The following ENOX1 variants were observed in gnomAD, a reference collection of about 807,000 sequenced individuals.
ENOX1 encodes the protein candidate growth-related and time keeping constitutive hydroquinone (NADH) oxidase.
ENOX1 carries 42 observed loss-of-function variants against 82.5 expected under a neutral mutation model. The ratio of observed to expected loss-of-function variants is 0.51; its 90% CI spans 0.40 to 0.66. The LOEUF is 0.66. Among genes scored for constraint, ENOX1 ranks in the 30% least tolerant of loss-of-function variants. ENOX1 has a pLI of 0.00. For synonymous variants in ENOX1, 271 were observed against 282.2 expected (o/e 0.96, Z 0.40); for missense variants, 608 against 811.6 (o/e 0.75, Z 3.05).
intron 12 of ENOX1, among the ~76,000 whole-genome samples, chr13:43,295,180 A>G (rs1026279150): frequency 3.3e-5 from 5 of 152,264 alleles, no homozygotes; most frequent in Non-Finnish European, 5.9e-5. Context: ...TAAAATATGT[A>G]TAGTCTTTAC....
chr13:43,384,344 C>A (rs1018483042), intron 5 of ENOX1, among the ~76,000 whole-genome samples: 2 of 152,178 alleles, frequency 1.3e-5, no homozygotes, highest in Non-Finnish European at 2.9e-5. Context: ...GCAGCAAAAT[C>A]TTCTGGGAGA....
At chr13:43,343,750 G>C (rs2049202578) in intron 9 of ENOX1, among the ~76,000 whole-genome samples, 1 of 152,156 alleles carries the variant, frequency 6.6e-6, no homozygotes, top group African/African-American at 2.4e-5. Flanking sequence ...AATGGAGCAT[G>C]GCATTGTTAC....
At chr13:43,301,877 A>G (rs2046597730) in intron 11 of ENOX1, among the ~76,000 whole-genome samples, 1 of 152,170 alleles carries the variant, frequency 6.6e-6, no homozygotes, top group Non-Finnish European at 1.5e-5. Flanking sequence ...CTTGGGCCAG[A>G]GCGCTAACAG....
chr13:43,262,819 G>C (rs1294672410), intron 14 of ENOX1, among the ~76,000 whole-genome samples: 1 of 152,178 alleles, frequency 6.6e-6, no homozygotes, highest in Non-Finnish European at 1.5e-5. Context: ...ATTAATACTT[G>C]TTGAGTATGT....
chr13:43,627,978 CCTT>C (rs2083039236), intron 2 of ENOX1, among the ~76,000 whole-genome samples: 4 of 152,058 alleles, frequency 2.6e-5, no homozygotes, highest in Admixed American at 2.6e-4. Context: ...AACACGCTGT[CCTT>C]CTAATTGATT....
chr13:43,611,885 C>T (rs970042339), intron 2 of ENOX1, among the ~76,000 whole-genome samples: 4 of 152,186 alleles, frequency 2.6e-5, no homozygotes, highest in African/African-American at 9.6e-5. Context: ...GCTTTCTAGC[C>T]TGCTAATGCA....
intron 2 of ENOX1, among the ~76,000 whole-genome samples, chr13:43,644,028 T>C (rs1043865768): frequency 3.3e-5 from 5 of 152,196 alleles, no homozygotes; most frequent in Non-Finnish European, 5.9e-5. Flanking sequence ...AGAGATTAAT[T>C]TGGTAAAAAT....
At chr13:43,329,636 A>G (rs1040831166) in intron 9 of ENOX1, among the ~76,000 whole-genome samples, 1 of 152,198 alleles carries the variant, frequency 6.6e-6, no homozygotes, top group Non-Finnish European at 1.5e-5. Context: ...TTCTTTTTCA[A>G]TAGGGTAATT....
chr13:43,765,687 T>A (rs1196491880), intron 1 of ENOX1, among the ~76,000 whole-genome samples: 2 of 152,118 alleles, frequency 1.3e-5, no homozygotes, highest in African/African-American at 2.4e-5. Flanking sequence ...AAATAAACAA[T>A]GAATCAATGA....
chr13:43,770,604 T>C (rs973532806), intron 1 of ENOX1, among the ~76,000 whole-genome samples: 1 of 151,980 alleles, frequency 6.6e-6, no homozygotes, highest in Non-Finnish European at 1.5e-5. Flanking sequence ...TTATGAGTTA[T>C]TATGAAAAAA....
intron 1 of ENOX1, among the ~76,000 whole-genome samples, chr13:43,694,587 T>G (rs1042559380): frequency 3.3e-5 from 5 of 152,182 alleles, no homozygotes; most frequent in African/African-American, 1.2e-4. Flanking sequence ...GCCAATTGTG[T>G]AAAAAGGGGA....
chr13:43,647,780 T>C (rs1233935278), intron 2 of ENOX1, among the ~76,000 whole-genome samples: 1 of 152,222 alleles, frequency 6.6e-6, no homozygotes, highest in African/African-American at 2.4e-5. Flanking sequence ...CAGATGTGAT[T>C]ATGATTAATG....
At chr13:43,476,427 A>C (rs1479453578) in intron 3 of ENOX1, among the ~76,000 whole-genome samples, 2 of 152,192 alleles carry the variant, frequency 1.3e-5, no homozygotes, top group African/African-American at 4.8e-5. Flanking sequence ...AGAGACAAAA[A>C]GAAATTTTTT....
chr13:43,591,807 G>C (rs2081257615), intron 2 of ENOX1, among the ~76,000 whole-genome samples: 1 of 152,112 alleles, frequency 6.6e-6, no homozygotes, highest in African/African-American at 2.4e-5. Flanking sequence ...TCCCATCCAC[G>C]AATACTGCCA....
chr13:43,354,145 T>G (rs2049989731), intron 8 of ENOX1, among the ~76,000 whole-genome samples: 1 of 152,158 alleles, frequency 6.6e-6, no homozygotes, highest in Non-Finnish European at 1.5e-5. Flanking sequence ...AAAGAAAAAT[T>G]ATTGTTCCAG....
chr13:43,542,371 A>G (rs1380473249), intron 2 of ENOX1, among the ~76,000 whole-genome samples: 1 of 149,272 alleles, frequency 6.7e-6, no homozygotes, highest in Non-Finnish European at 1.5e-5. Flanking sequence ...TGACCTTGTG[A>G]TCCACCCACC....
chr13:43,312,246 T>A (rs1438678812), intron 11 of ENOX1, among the ~76,000 whole-genome samples: 2 of 152,208 alleles, frequency 1.3e-5, no homozygotes. Flanking sequence ...AGAAGATTGA[T>A]ATTACTGTAG....
chr13:43,652,936 G>A (rs563971521), intron 2 of ENOX1, among the ~76,000 whole-genome samples: 2 of 152,334 alleles, frequency 1.3e-5, no homozygotes, highest in African/African-American at 4.8e-5. Context: ...AGATTGTAAA[G>A]GGGAGGAGAA....
chr13:43,404,987 T>C (rs976041017), intron 5 of ENOX1, among the ~76,000 whole-genome samples: 2 of 152,226 alleles, frequency 1.3e-5, no homozygotes, highest in Non-Finnish European at 2.9e-5. Flanking sequence ...CCAGGCTGTC[T>C]GTATCCCCTT....
Sources: gnomAD v4.1 joint callset for allele counts (sites outside exome capture counted in the v4.1 genomes callset) on GRCh38, gnomAD v4.1.1 for gene constraint, MANE v1.5 for transcripts, NCBI Gene and HGNC (gene_info 2026-07-23, HGNC 2026-07-21) for gene names.